CLSTN2: variants seen among roughly 807,000 people sequenced by gnomAD.
CLSTN2 encodes the protein calsyntenin-2.
A neutral mutation model predicts 101.2 loss-of-function variants in CLSTN2; 48 were observed. That is an observed-to-expected ratio of 0.47 (90% CI 0.38 to 0.60). The LOEUF (loss-of-function observed/expected upper bound fraction) is 0.60. CLSTN2 is among the 20% of genes least tolerant of loss of function. CLSTN2 has a pLI of 0.00. For synonymous variants in CLSTN2, 481 were observed against 463.6 expected, an observed-to-expected ratio of 1.04 and a Z score of -0.48; for missense variants, 1,160 against 1,238.2, an observed-to-expected ratio of 0.94 and a Z score of 0.95.
chr3:140,420,615 C>T (rs529840415), intron 4 of CLSTN2, among the ~76,000 whole-genome samples: 2 of 152,260 alleles, frequency 1.3e-5, no homozygotes, highest in South Asian at 2.1e-4. Flanking sequence ...GGAGGTCACA[C>T]GTTTTCTTAT....
At chr3:140,468,028 G>A (rs1933750208) in intron 8 of CLSTN2, among the ~76,000 whole-genome samples, 1 of 152,172 alleles carries the variant, frequency 6.6e-6, no homozygotes, top group Non-Finnish European at 1.5e-5. Context: ...GGAGCCCAGT[G>A]GCAACTGCCT....
intron 4 of CLSTN2, among the ~76,000 whole-genome samples, chr3:140,412,398 T>C (rs1026242498): frequency 6.6e-6 from 1 of 152,198 alleles, no homozygotes; most frequent in Non-Finnish European, 1.5e-5. Context: ...GTAGTCACTG[T>C]GGCATATCTG....
intron 2 of CLSTN2, among the ~76,000 whole-genome samples, chr3:140,324,410 A>T (rs1294616408): frequency 2.6e-5 from 4 of 152,236 alleles, no homozygotes; most frequent in Admixed American, 1.3e-4. Flanking sequence ...TTAAGTGGGT[A>T]ATATAAAGGA....
At chr3:139,998,365 GTC>G (rs1214365760) in intron 1 of CLSTN2, among the ~76,000 whole-genome samples, 1 of 25,980 alleles carries the variant, frequency 3.8e-5, no homozygotes, top group African/African-American at 2.4e-4. Flanking sequence ...TTGTGACGGA[GTC>G]TCTCTTTGTC....
chr3:140,458,565 G>C (rs753071177), intron 6 of CLSTN2, among the ~76,000 whole-genome samples: 2 of 152,114 alleles, frequency 1.3e-5, no homozygotes, highest in Non-Finnish European at 2.9e-5. Flanking sequence ...CAGGACAGTT[G>C]TCGCCTCTCA....
chr3:140,301,335 C>T (rs540233949), intron 2 of CLSTN2, among the ~76,000 whole-genome samples: 18 of 152,246 alleles, frequency 1.2e-4, no homozygotes, highest in South Asian at 1.0e-3. Context: ...AAATCTATTA[C>T]GTGGTAACAT....
chr3:140,189,847 A>G (rs2010534813), intron 2 of CLSTN2, among the ~76,000 whole-genome samples: 1 of 152,202 alleles, frequency 6.6e-6, no homozygotes, highest in Admixed American at 6.5e-5. Context: ...GTCAAAAATC[A>G]GCAGGGCATC....
At chr3:140,126,267 G>T (rs533696675) in intron 1 of CLSTN2, among the ~76,000 whole-genome samples, 1 of 152,074 alleles carries the variant, frequency 6.6e-6, no homozygotes, top group Non-Finnish European at 1.5e-5. Flanking sequence ...TTGGAGAATG[G>T]CATGGTGGGG....
At chr3:139,972,023 G>A (rs1384467132) in intron 1 of CLSTN2, among the ~76,000 whole-genome samples, 8 of 152,148 alleles carry the variant, frequency 5.3e-5, no homozygotes, top group Admixed American at 5.2e-4. Context: ...CAGTACTTTG[G>A]GAGGCTGAGG....
chr3:140,244,886 A>G lies in CLSTN2; in HGVS notation c.232+68813A>G, dbSNP rs2086501741. ...CTTATATATATTTTTAAAGTTCTAT[A>G]GCTTATTAAAGTTTGAAATGTCAAG... On this transcript the variant is annotated intron_variant, in intron 2 of 16. Coordinates refer to ENST00000458420, the MANE Select transcript of CLSTN2 (RefSeq NM_022131.3). 1.3e-5 allele frequency among the ~76,000 whole-genome samples: 2 copies of G among 152,224 alleles called. 1 individual carries two copies. Among genetic ancestry groups the G allele is most frequent in the South Asian group, 4.1e-4 (2 of 4,834 alleles).
intron 8 of CLSTN2, among the ~76,000 whole-genome samples, chr3:140,483,661 C>T (rs1288636764): frequency 3.3e-5 from 5 of 152,026 alleles, no homozygotes; most frequent in African/African-American, 1.2e-4. Flanking sequence ...GGATAGTTAG[C>T]TCTTCTTGTT....
intron 2 of CLSTN2, 108 bp from the exon 3 acceptor site, chr3:140,403,521 A>G: frequency 2.2e-6 from 2 of 929,200 alleles, no homozygotes; most frequent in Non-Finnish European, 3.3e-6. Flanking sequence ...ATGTGCGTGG[A>G]AGAAATTGCA....
chr3:140,373,633 C>T lies in CLSTN2; in HGVS notation c.233-29996C>T, dbSNP rs149080234. Among the ~76,000 whole-genome samples, 182 of 152,316 alleles carry T rather than the reference C, an allele frequency of 1.2e-3. 2 individuals are homozygous for T. Among genetic ancestry groups the T allele is most frequent in the African/African-American group, 4.2e-3 (176 of 41,568 alleles). On this transcript the variant is annotated intron_variant, in intron 2 of 16. Coordinates refer to ENST00000458420, the MANE Select transcript of CLSTN2 (RefSeq NM_022131.3). ...AAAGAGCTCTCTAAGTGCAAAAGGGCACTGACAATCAGTACTATTAGCTCA... is the reference window on the plus strand; with the variant it reads ...AAAGAGCTCTCTAAGTGCAAAAGGGTACTGACAATCAGTACTATTAGCTCA...
At chr3:140,324,102 G>A (rs1318573185) in intron 2 of CLSTN2, among the ~76,000 whole-genome samples, 1 of 152,132 alleles carries the variant, frequency 6.6e-6, no homozygotes, top group East Asian at 1.9e-4. Context: ...ATATTTTGTT[G>A]CCAGATCTCT....
chr3:140,347,488 G>C (rs1349370369), intron 2 of CLSTN2, among the ~76,000 whole-genome samples: 2 of 152,208 alleles, frequency 1.3e-5, no homozygotes, highest in African/African-American at 2.4e-5. Flanking sequence ...GCTGTTTTCT[G>C]AGCAGGCAAA....
At chr3:140,513,570 TTTTTTTTTCTTTC>T (rs1339572876) in intron 8 of CLSTN2, among the ~76,000 whole-genome samples, 1 of 123,840 alleles carries the variant, frequency 8.1e-6, no homozygotes, top group Non-Finnish European at 1.7e-5. Context: ...TGAAGCTTTC[TTTTTTTTTCTTTC>T]TTTTTTTTTT....
At chr3:140,429,196 A>G (rs1347963674) in intron 5 of CLSTN2, among the ~76,000 whole-genome samples, 2 of 152,154 alleles carry the variant, frequency 1.3e-5, no homozygotes, top group African/African-American at 2.4e-5. Context: ...CTGGTGGGAA[A>G]TATTTTTTTT....
chr3:140,191,883 A>C (rs372220216), intron 2 of CLSTN2, among the ~76,000 whole-genome samples: 1 of 151,724 alleles, frequency 6.6e-6, no homozygotes, highest in African/African-American at 2.4e-5. Context: ...CCTTCATCCT[A>C]CTTGTATGGG....
intron 8 of CLSTN2, among the ~76,000 whole-genome samples, chr3:140,484,643 C>T (rs1442432565): frequency 1.3e-5 from 2 of 152,172 alleles, no homozygotes; most frequent in African/African-American, 4.8e-5. Flanking sequence ...TCCCATATTT[C>T]TTGGAGGCTT....
Sources: gnomAD v4.1 joint callset for allele counts (sites outside exome capture counted in the v4.1 genomes callset) on GRCh38, gnomAD v4.1.1 for gene constraint, MANE v1.5 for transcripts, NCBI Gene and HGNC (gene_info 2026-07-23, HGNC 2026-07-21) for gene names.